Variants in BCL2L14 observed in about 807,000 individuals in gnomAD.
BCL2L14 encodes the protein BCL2 like 14.
In BCL2L14, 27 loss-of-function variants were observed where a neutral mutation model predicts 35.3. The ratio of observed to expected loss-of-function variants is 0.76; its 90% CI spans 0.56 to 1.05. The LOEUF is 1.05. BCL2L14 is among the 50% of genes least tolerant of loss of function. The probability of loss-of-function intolerance (pLI) is 0.00; values close to 1 mark genes in which losing one functional copy is unlikely to be tolerated. For synonymous variants in BCL2L14, 139 were observed against 145.9 expected (o/e 0.95, Z 0.34); for missense variants, 377 against 382.6 (o/e 0.99, Z 0.12).
chr12:12,083,551 A>G (rs1948974523), intron 2 of BCL2L14, among the ~76,000 whole-genome samples: 1 of 152,214 alleles, frequency 6.6e-6, no homozygotes, highest in East Asian at 1.9e-4. Flanking sequence ...TCAAATACCC[A>G]TGGCTTAAAT....
chr12:12,091,508 TCTCTAGAATCTGTCAATCAGGGG>T (rs1949187993), intron 4 of BCL2L14, among the ~76,000 whole-genome samples: 1 of 152,176 alleles, frequency 6.6e-6, no homozygotes, highest in Non-Finnish European at 1.5e-5. Context: ...GACTGAGTAG[TCTCTAGAATCTGTCAATCAGGGG>T]CTGGCTTGCA....
At chr12:12,068,325 A>G (rs1948618464), upstream of BCL2L14, 1 of 395,750 alleles carries the variant, frequency 2.5e-6, no homozygotes, top group Admixed American at 4.4e-5. Context: ...TGGACATACT[A>G]TGTGATGTGA....
At chr12:12,052,461 G>A (rs1948372092) in intron 2 of BCL2L14, among the ~76,000 whole-genome samples, 1 of 152,162 alleles carries the variant, frequency 6.6e-6, no homozygotes, top group African/African-American at 2.4e-5. Flanking sequence ...CTATGAGTGA[G>A]ATCGTGCAAT....
In BCL2L14 at chr12:12,077,449, G is replaced by A. The variant is rs576188226; in HGVS notation, c.-7-1850G>A. On this transcript the variant is annotated intron_variant, in intron 1 of 5. Transcript: ENST00000308721. Reference sequence around the variant, plus strand: ...GTTCCCAGCTACTTGAGGGGCTGAGGTGAGAGAATCCCTTGAGCCGGGGAG... The same window carrying A: ...GTTCCCAGCTACTTGAGGGGCTGAGATGAGAGAATCCCTTGAGCCGGGGAG... Among the ~76,000 whole-genome samples the A allele has an allele frequency of 4.0e-5, 6 of 151,450 alleles. No homozygotes were observed. In the East Asian group the frequency reaches 9.7e-4, roughly 25 times the overall value.
chr12:12,083,485 T>C (rs578084499), intron 2 of BCL2L14, among the ~76,000 whole-genome samples: 1 of 152,334 alleles, frequency 6.6e-6, no homozygotes, highest in East Asian at 1.9e-4. Flanking sequence ...TAGCTACGAT[T>C]TGCTCACGTG....
At chr12:12,071,931 G>C (rs921182120) in intron 1 of BCL2L14, 2 of 153,008 alleles carry the variant, frequency 1.3e-5, no homozygotes, top group African/African-American at 2.4e-5. Context: ...CAGAAGGGGA[G>C]GCTCCGGACA....
intron 5 of BCL2L14, 126 bp from the exon 6 acceptor site, chr12:12,098,824 C>T: frequency 2.7e-6 from 2 of 733,910 alleles, no homozygotes; most frequent in Admixed American, 2.1e-5. Flanking sequence ...CCAAACCCTC[C>T]CCCAAACTAA....
At chr12:12,080,126 A>G (rs1034404892) in intron 2 of BCL2L14, among the ~76,000 whole-genome samples, 1 of 151,566 alleles carries the variant, frequency 6.6e-6, no homozygotes, top group African/African-American at 2.4e-5. Context: ...AATGGCGTGA[A>G]CCCAGCAGGC....
intron 5 of BCL2L14, 57 bp downstream of exon 5, chr12:12,094,987 A>C: frequency 6.8e-7 from 1 of 1,465,684 alleles, no homozygotes; most frequent in Non-Finnish European, 9.0e-7. Context: ...GATGGGATGG[A>C]TTTTTTTTTT....
At chr12:12,068,954 G>C (rs1369701430), upstream of BCL2L14, among the ~76,000 whole-genome samples, 1 of 152,164 alleles carries the variant, frequency 6.6e-6, no homozygotes, top group East Asian at 1.9e-4. Flanking sequence ...AAGGTGGGGA[G>C]TTCCCAGAAC....
intron 2 of BCL2L14, among the ~76,000 whole-genome samples, chr12:12,086,911 T>G (rs148474242): frequency 1.0e-3 from 152 of 152,340 alleles, no homozygotes; most frequent in African/African-American, 3.6e-3. Flanking sequence ...AAGCACTCCT[T>G]TTTGTGTCTC....
chr12:12,051,733 T>C (rs1417728583), intron 1 of BCL2L14: 1 of 152,222 alleles, frequency 6.6e-6, no homozygotes, highest in Non-Finnish European at 1.5e-5. Flanking sequence ...GTCTAATATA[T>C]GCAAAGCACC....
chr12:12,063,011 T>TA (rs1948547696), intron 2 of BCL2L14, among the ~76,000 whole-genome samples: 1 of 152,260 alleles, frequency 6.6e-6, no homozygotes, highest in Non-Finnish European at 1.5e-5. Flanking sequence ...CTCAGAATGC[T>TA]ACAAGGTACA....
At chr12:12,079,071 A>G (rs1358613572) in intron 1 of BCL2L14, among the ~76,000 whole-genome samples, 10 of 152,210 alleles carry the variant, frequency 6.6e-5, no homozygotes, top group African/African-American at 2.4e-4. Context: ...TTGGGATTAC[A>G]GGCGTGAGCC....
intron 2 of BCL2L14, among the ~76,000 whole-genome samples, chr12:12,058,451 G>A (rs879688242): frequency 4.6e-5 from 7 of 151,056 alleles, no homozygotes; most frequent in African/African-American, 9.7e-5. Flanking sequence ...GGTTTCAGAC[G>A]GGGTTGGCCA....
At chr12:12,055,679 T>C (rs2909002) in intron 2 of BCL2L14, 133,304 of 151,896 alleles carry the variant, frequency 0.88, 58,657 homozygotes, top group East Asian at 0.98. Context: ...GACTGTTTTC[T>C]CTGGTAGAGA....
chr12:12,051,585 T>C (rs1948358487), intron 1 of BCL2L14, among the ~76,000 whole-genome samples: 1 of 152,162 alleles, frequency 6.6e-6, no homozygotes, highest in Non-Finnish European at 1.5e-5. Flanking sequence ...TGGTCCCCAT[T>C]CTGCTCTTTA....
intron 2 of BCL2L14, among the ~76,000 whole-genome samples, chr12:12,080,301 C>T (rs904697812): frequency 1.3e-5 from 2 of 151,572 alleles, no homozygotes; most frequent in African/African-American, 4.9e-5. Flanking sequence ...TTCCCAAATT[C>T]CTAGTCCTCT....
intron 1 of BCL2L14, among the ~76,000 whole-genome samples, chr12:12,050,667 A>G (rs185413336): frequency 6.6e-6 from 1 of 151,704 alleles, no homozygotes; most frequent in African/African-American, 2.4e-5. Flanking sequence ...AACTACAGAA[A>G]CTATAGCTTC....
Sources: gnomAD v4.1 joint callset for allele counts (sites outside exome capture counted in the v4.1 genomes callset) on GRCh38, gnomAD v4.1.1 for gene constraint, MANE v1.5 for transcripts, NCBI Gene and HGNC (gene_info 2026-07-23, HGNC 2026-07-21) for gene names.